MTHFD2L: variants seen among roughly 807,000 people sequenced by gnomAD.
MTHFD2L encodes bifunctional methylenetetrahydrofolate dehydrogenase/cyclohydrolase 2, mitochondrial.
MTHFD2L carries 29 observed loss-of-function variants against 34.9 expected under a neutral mutation model. The ratio of observed to expected loss-of-function variants is 0.83; its 90% CI spans 0.62 to 1.13. The LOEUF (loss-of-function observed/expected upper bound fraction) is 1.13. MTHFD2L is among the 50% of genes most tolerant of loss of function. MTHFD2L has a pLI of 0.00. For missense variants in MTHFD2L, 481 were observed against 446.5 expected, an observed-to-expected ratio of 1.08 and a Z score of -0.70; for synonymous variants, 167 against 155.7, an observed-to-expected ratio of 1.07 and a Z score of -0.54.
At chr4:74,189,243 T>C (rs1472774995) in intron 3 of MTHFD2L, among the ~76,000 whole-genome samples, 1 of 152,096 alleles carries the variant, frequency 6.6e-6, no homozygotes, top group Non-Finnish European at 1.5e-5. Context: ...TTGAAGTTCA[T>C]TCAAAGAAAA....
chr4:74,126,362 A>G (rs1722071963), intron 1 of MTHFD2L, among the ~76,000 whole-genome samples: 1 of 152,164 alleles, frequency 6.6e-6, no homozygotes, highest in Non-Finnish European at 1.5e-5. Flanking sequence ...AGATTAATAA[A>G]AAGAAGATAA....
chr4:74,249,763 AT>A (rs1210350786), intron 6 of MTHFD2L, among the ~76,000 whole-genome samples: 2 of 152,076 alleles, frequency 1.3e-5, no homozygotes, highest in Non-Finnish European at 2.9e-5. Flanking sequence ...TGGATATGAA[AT>A]TCTGGGTTGA....
At chr4:74,135,604 C>T (rs1317579866) in intron 1 of MTHFD2L, among the ~76,000 whole-genome samples, 1 of 152,100 alleles carries the variant, frequency 6.6e-6, no homozygotes, top group Non-Finnish European at 1.5e-5. Flanking sequence ...TATTCAAATA[C>T]TTCAAAACGA....
At chr4:74,170,442 A>G (rs1373594307) in intron 1 of MTHFD2L, among the ~76,000 whole-genome samples, 1 of 152,220 alleles carries the variant, frequency 6.6e-6, no homozygotes, top group African/African-American at 2.4e-5. Flanking sequence ...AACTAAAAAT[A>G]GACATAAATC....
chr4:74,252,292 C>G (rs983670426), intron 6 of MTHFD2L, among the ~76,000 whole-genome samples: 1 of 151,782 alleles, frequency 6.6e-6, no homozygotes, highest in Non-Finnish European at 1.5e-5. Flanking sequence ...ATTATTGGAG[C>G]CTTGGCTAAG....
intron 1 of MTHFD2L, among the ~76,000 whole-genome samples, chr4:74,165,447 T>C (rs1726475772): frequency 6.6e-6 from 1 of 152,168 alleles, no homozygotes; most frequent in Non-Finnish European, 1.5e-5. Flanking sequence ...AACCTCCGCC[T>C]CCTGGGTTCA....
At chr4:74,202,154 T>C (rs185772907) in intron 5 of MTHFD2L, among the ~76,000 whole-genome samples, 261 of 152,310 alleles carry the variant, frequency 1.7e-3, no homozygotes, top group Middle Eastern at 3.4e-3. Flanking sequence ...TCAGCAAGAC[T>C]TATGTTTATT....
chr4:74,189,485 CTTTTT>C (rs55665552), intron 3 of MTHFD2L, among the ~76,000 whole-genome samples: 3,259 of 119,912 alleles, frequency 0.027, 208 homozygotes, highest in African/African-American at 0.12. Context: ...GTTTTTCTTC[CTTTTT>C]TTTTTTTTTT....
chr4:74,171,917 A>C (rs376291084), intron 1 of MTHFD2L, among the ~76,000 whole-genome samples: 25 of 112,986 alleles, frequency 2.2e-4, no homozygotes, highest in African/African-American at 6.5e-4. Context: ...CCGAATATCC[A>C]TTAATTACAA....
chr4:74,278,896 A>C (rs17232394), intron 6 of MTHFD2L, among the ~76,000 whole-genome samples: 37,637 of 151,882 alleles, frequency 0.25, 5,066 homozygotes, highest in African/African-American at 0.37. Context: ...GGTATTGACA[A>C]ATGCTTTTCA....
At chr4:74,164,312 T>A (rs1010959734) in intron 1 of MTHFD2L, among the ~76,000 whole-genome samples, 4 of 152,288 alleles carry the variant, frequency 2.6e-5, no homozygotes, top group Admixed American at 2.0e-4. Context: ...GACTAGGTTT[T>A]ATTTGTTGGT....
At chr4:74,136,901 A>C (rs1722975999) in intron 1 of MTHFD2L, among the ~76,000 whole-genome samples, 1 of 152,182 alleles carries the variant, frequency 6.6e-6, no homozygotes, top group Non-Finnish European at 1.5e-5. Flanking sequence ...GGTGCTGAGA[A>C]AATTGGATAA....
At chr4:74,290,229 G>C (rs1748707582) in intron 7 of MTHFD2L, among the ~76,000 whole-genome samples, 1 of 152,138 alleles carries the variant, frequency 6.6e-6, no homozygotes, top group African/African-American at 2.4e-5. Flanking sequence ...GTCAGGAAAG[G>C]GTTTGGAATT....
upstream of MTHFD2L, among the ~76,000 whole-genome samples, chr4:74,118,914 T>C (rs1327824348): frequency 2.0e-5 from 3 of 152,190 alleles, no homozygotes; most frequent in East Asian, 5.8e-4. Flanking sequence ...GGGATCTAGA[T>C]TGCATGCTCC....
At chr4:74,231,135 C>T (rs1739986214) in intron 6 of MTHFD2L, among the ~76,000 whole-genome samples, 1 of 152,110 alleles carries the variant, frequency 6.6e-6, no homozygotes, top group African/African-American at 2.4e-5. Flanking sequence ...TGATATAAAA[C>T]AGGATAAATG....
chr4:74,171,623 C>T (rs555528592), intron 1 of MTHFD2L, among the ~76,000 whole-genome samples: 78 of 152,026 alleles, frequency 5.1e-4, no homozygotes, highest in East Asian at 3.9e-3. Context: ...GCCAACATAG[C>T]GAAACCCCGT....
intron 1 of MTHFD2L, among the ~76,000 whole-genome samples, chr4:74,135,673 T>A (rs902873749): frequency 7.3e-6 from 1 of 136,644 alleles, no homozygotes; most frequent in African/African-American, 2.8e-5. Context: ...GTTACTGTGA[T>A]ACCAAAACCA....
At chr4:74,213,312 G>A (rs1195769618) in intron 5 of MTHFD2L, among the ~76,000 whole-genome samples, 1 of 152,078 alleles carries the variant, frequency 6.6e-6, no homozygotes, top group Non-Finnish European at 1.5e-5. Flanking sequence ...TTACAATTTG[G>A]TATGTTTTTG....
chr4:74,148,967 C>A (rs1578258430), intron 1 of MTHFD2L, among the ~76,000 whole-genome samples: 2 of 151,686 alleles, frequency 1.3e-5, no homozygotes, highest in East Asian at 3.9e-4. Context: ...GAAACAATAG[C>A]CAAATTTTGG....
Sources: gnomAD v4.1 joint callset for allele counts (sites outside exome capture counted in the v4.1 genomes callset) on GRCh38, gnomAD v4.1.1 for gene constraint, MANE v1.5 for transcripts, NCBI Gene and HGNC (gene_info 2026-07-23, HGNC 2026-07-21) for gene names.